Variants in SOX6 observed in about 807,000 individuals in gnomAD.
SOX6 encodes the protein transcription factor SOX-6.
In SOX6, 11 loss-of-function variants were observed where a neutral mutation model predicts 97.8. The observed-to-expected ratio is 0.11, with a 90% CI of 0.07 to 0.19. SOX6 has a LOEUF of 0.19. Among genes scored for constraint, SOX6 ranks in the 10% least tolerant of loss-of-function variants. The probability of loss-of-function intolerance (pLI) is 1.00; values close to 1 mark genes in which losing one functional copy is unlikely to be tolerated. For missense variants in SOX6, 810 were observed against 1,039.5 expected, an observed-to-expected ratio of 0.78 and a Z score of 3.04; for synonymous variants, 360 against 371.4, an observed-to-expected ratio of 0.97 and a Z score of 0.35.
chr11:16,117,174 C>G (rs1411228551), intron 6 of SOX6, among the ~76,000 whole-genome samples: 1 of 151,812 alleles, frequency 6.6e-6, no homozygotes, highest in Non-Finnish European at 1.5e-5. Context: ...ATGGTGAGAC[C>G]CCTGTCTGTC....
intron 9 of SOX6, among the ~76,000 whole-genome samples, chr11:16,088,872 C>G (rs563949284): frequency 1.3e-5 from 2 of 152,128 alleles, no homozygotes; most frequent in Non-Finnish European, 2.9e-5. Flanking sequence ...GTCAAATACA[C>G]GGATATATTT....
chr11:16,305,820 T>A (rs1014703202), intron 3 of SOX6, among the ~76,000 whole-genome samples: 3 of 152,088 alleles, frequency 2.0e-5, no homozygotes, highest in African/African-American at 4.8e-5. Context: ...TTTTTTTTTT[T>A]AAGTAAATTC....
intron 3 of SOX6, among the ~76,000 whole-genome samples, chr11:16,704,008 T>C (rs1005760446): frequency 1.3e-5 from 2 of 152,192 alleles, no homozygotes; most frequent in African/African-American, 4.8e-5. Flanking sequence ...TCACTGTCAA[T>C]CAAACTCCAA....
intron 3 of SOX6, among the ~76,000 whole-genome samples, chr11:16,668,706 T>C (rs1356942939): frequency 6.6e-6 from 1 of 151,950 alleles, no homozygotes; most frequent in East Asian, 1.9e-4. Context: ...AATCAAAAAA[T>C]GGAAAAAGTC....
At chr11:16,517,987 T>G (rs1481982738) in intron 4 of SOX6, among the ~76,000 whole-genome samples, 1 of 152,228 alleles carries the variant, frequency 6.6e-6, no homozygotes, top group African/African-American at 2.4e-5. Context: ...CCTTTAATTC[T>G]AATATCTTCT....
intron 4 of SOX6, among the ~76,000 whole-genome samples, chr11:16,528,196 T>G (rs1206886473): frequency 1.3e-5 from 2 of 152,090 alleles, no homozygotes; most frequent in Admixed American, 1.3e-4. Context: ...TGCTCATAAT[T>G]ACATGGCCAA....
At chr11:16,661,177 T>C (rs776064360) in intron 3 of SOX6, among the ~76,000 whole-genome samples, 5 of 152,248 alleles carry the variant, frequency 3.3e-5, no homozygotes, top group Non-Finnish European at 7.3e-5. Flanking sequence ...TCTTACAGAC[T>C]GACCCAGTTA....
intron 2 of SOX6, among the ~76,000 whole-genome samples, chr11:16,725,252 A>G (rs2134056321): frequency 6.6e-6 from 1 of 152,396 alleles, no homozygotes; most frequent in African/African-American, 2.4e-5. Flanking sequence ...GGCTGGGCGC[A>G]GTGGCTGATG....
chr11:16,490,213 A>G (rs1860490081), intron 4 of SOX6, among the ~76,000 whole-genome samples: 1 of 152,084 alleles, frequency 6.6e-6, no homozygotes, highest in Non-Finnish European at 1.5e-5. Flanking sequence ...AATTACATAT[A>G]TAAGTGGGCA....
chr11:16,719,702 T>C (rs1208267136), intron 2 of SOX6, among the ~76,000 whole-genome samples: 3 of 152,132 alleles, frequency 2.0e-5, no homozygotes, highest in African/African-American at 7.2e-5. Flanking sequence ...GGCCAGAGGA[T>C]TGCTTGAGTC....
intron 4 of SOX6, among the ~76,000 whole-genome samples, chr11:16,208,475 C>G (rs1171089139): frequency 6.6e-6 from 1 of 152,180 alleles, no homozygotes; most frequent in African/African-American, 2.4e-5. Context: ...CTCAACTGTA[C>G]TAGTCTTTGA....
chr11:16,640,027 T>A (rs1219217178), intron 3 of SOX6, among the ~76,000 whole-genome samples: 1 of 152,200 alleles, frequency 6.6e-6, no homozygotes, highest in East Asian at 1.9e-4. Context: ...GCCCATTCAG[T>A]GTGATACTGG....
chr11:16,194,128 G>C (rs1292450433), intron 4 of SOX6, among the ~76,000 whole-genome samples: 1 of 152,172 alleles, frequency 6.6e-6, no homozygotes, highest in Non-Finnish European at 1.5e-5. Context: ...GACTGCCTGA[G>C]AAAGGAACCC....
intron 4 of SOX6, among the ~76,000 whole-genome samples, chr11:16,225,931 C>T (rs1477179580): frequency 6.6e-6 from 1 of 152,094 alleles, no homozygotes; most frequent in South Asian, 2.1e-4. Context: ...GTATGCAGTT[C>T]CTAATTTTAC....
intron 3 of SOX6, among the ~76,000 whole-genome samples, chr11:16,628,797 A>T (rs1005737135): frequency 1.3e-5 from 2 of 152,154 alleles, no homozygotes; most frequent in African/African-American, 4.8e-5. Flanking sequence ...GATTTCTTTT[A>T]GCAGTGTTTT....
intron 4 of SOX6, among the ~76,000 whole-genome samples, chr11:16,226,140 T>G (rs1436854214): frequency 6.6e-6 from 1 of 152,150 alleles, no homozygotes; most frequent in Non-Finnish European, 1.5e-5. Context: ...AAAAAGTATC[T>G]GTTTAGTCAA....
intron 1 of SOX6, among the ~76,000 whole-genome samples, chr11:16,443,181 C>T (rs1466392284): frequency 6.6e-6 from 1 of 152,188 alleles, no homozygotes; most frequent in African/African-American, 2.4e-5. Flanking sequence ...AGCTTCCCCC[C>T]AGTTCTTCCG....
At chr11:15,989,897 A>C (rs1246277061) in intron 13 of SOX6, among the ~76,000 whole-genome samples, 3 of 152,222 alleles carry the variant, frequency 2.0e-5, no homozygotes, top group Non-Finnish European at 4.4e-5. Context: ...GAGAGGTGCT[A>C]CAATACTGAC....
At chr11:16,124,554 C>T (rs1564967329) in intron 6 of SOX6, among the ~76,000 whole-genome samples, 1 of 151,904 alleles carries the variant, frequency 6.6e-6, no homozygotes, top group Non-Finnish European at 1.5e-5. Flanking sequence ...GTTAAACGAC[C>T]TGAGGAAATG....
Sources: allele counts gnomAD v4.1 joint callset (sites outside exome capture counted in the v4.1 genomes callset), GRCh38; gene constraint gnomAD v4.1.1; transcripts MANE v1.5; gene names NCBI Gene and HGNC (gene_info 2026-07-23, HGNC 2026-07-21).